The following NUMB variants were observed in gnomAD, a reference collection of about 807,000 sequenced individuals.
The protein encoded by NUMB is NUMB endocytic adaptor protein, also known as protein numb homolog.
A neutral mutation model predicts 59.7 loss-of-function variants in NUMB; 29 were observed. The ratio of observed to expected loss-of-function variants is 0.49; its 90% CI spans 0.36 to 0.66. The LOEUF is 0.66. NUMB is among the 30% of genes least tolerant of loss of function. The pLI is 0.00. For missense variants in NUMB, 723 were observed against 822.0 expected (o/e 0.88, Z 1.47); for synonymous variants, 288 against 288.2 (o/e 1.00, Z 0.01).
intron 4 of NUMB, among the ~76,000 whole-genome samples, chr14:73,336,129 T>G (rs568556695): frequency 6.6e-6 from 1 of 152,326 alleles, no homozygotes; most frequent in East Asian, 1.9e-4. Flanking sequence ...CTTAGTAAAT[T>G]AACAGAGCCA....
intron 1 of NUMB, among the ~76,000 whole-genome samples, chr14:73,437,752 G>A (rs923145960): frequency 2.0e-5 from 3 of 152,146 alleles, no homozygotes; most frequent in Non-Finnish European, 4.4e-5. Context: ...GGGAGAGGGA[G>A]GGCAAAAGAA....
At chr14:73,380,724 GTT>G (rs759209884) in intron 2 of NUMB, among the ~76,000 whole-genome samples, 3 of 131,164 alleles carry the variant, frequency 2.3e-5, no homozygotes, top group Non-Finnish European at 3.2e-5. Flanking sequence ...TCATCAATTA[GTT>G]TTTTTTTTTT....
At chr14:73,388,177 C>T (rs1895654575) in intron 2 of NUMB, among the ~76,000 whole-genome samples, 1 of 152,100 alleles carries the variant, frequency 6.6e-6, no homozygotes, top group Non-Finnish European at 1.5e-5. Flanking sequence ...TTAATGGCTA[C>T]CATATTGGAT....
chr14:73,354,388 G>A (rs1414332608), intron 4 of NUMB, among the ~76,000 whole-genome samples: 3 of 151,572 alleles, frequency 2.0e-5, no homozygotes, highest in Admixed American at 6.6e-5. Context: ...GTGCATGCCT[G>A]TAGTCCCAGA....
intron 1 of NUMB, among the ~76,000 whole-genome samples, chr14:73,441,420 C>T (rs562254286): frequency 7.2e-5 from 11 of 152,160 alleles, no homozygotes; most frequent in Admixed American, 2.0e-4. Flanking sequence ...TGGTAGTGCA[C>T]GCCTCAGCTG....
At chr14:73,348,250 A>C (rs947507576) in intron 4 of NUMB, among the ~76,000 whole-genome samples, 1 of 152,228 alleles carries the variant, frequency 6.6e-6, no homozygotes, top group Non-Finnish European at 1.5e-5. Flanking sequence ...TCAGTTGTAT[A>C]TAAGTGTATG....
chr14:73,440,412 T>G (rs1015121995), intron 1 of NUMB, among the ~76,000 whole-genome samples: 4 of 151,754 alleles, frequency 2.6e-5, no homozygotes, highest in African/African-American at 9.7e-5. Flanking sequence ...TCTATAAAAC[T>G]CTTAGAAGAC....
rs150841511 is a variant in NUMB at position 73,411,487 on chromosome 14, T to C, written c.-232-1419A>G. ...TTCCAGGAGACAAAAAAAGAAAAAA[T>C]CATTTTAATAACGACATGGTACAAG... On this transcript the variant is annotated intron_variant, in intron 1 of 12. Transcript: ENST00000555238. Among the ~76,000 whole-genome samples, 37 of 152,116 alleles carry C rather than the reference T, an allele frequency of 2.4e-4. No homozygotes were observed. The East Asian group carries it at 6.6e-3, about 27-fold the overall frequency.
intron 4 of NUMB, among the ~76,000 whole-genome samples, chr14:73,339,156 T>C (rs1234226484): frequency 6.6e-6 from 1 of 152,232 alleles, no homozygotes; most frequent in African/African-American, 2.4e-5. Flanking sequence ...TTGTTATTTC[T>C]TCTTTATATA....
chr14:73,277,936 T>G (rs956908727), intron 12 of NUMB, among the ~76,000 whole-genome samples: 3 of 149,384 alleles, frequency 2.0e-5, no homozygotes, highest in Non-Finnish European at 3.0e-5. Context: ...TATGCATCTG[T>G]AGTCCCAGCT....
At chr14:73,433,965 C>G (rs1052724880) in intron 1 of NUMB, among the ~76,000 whole-genome samples, 2 of 151,984 alleles carry the variant, frequency 1.3e-5, no homozygotes, top group Non-Finnish European at 2.9e-5. Flanking sequence ...TGGTGGTGCA[C>G]GCCTGTAATC....
intron 2 of NUMB, among the ~76,000 whole-genome samples, chr14:73,384,761 A>T (rs1477507155): frequency 8.4e-6 from 1 of 119,564 alleles, no homozygotes; most frequent in Non-Finnish European, 1.8e-5. Context: ...TTTGTTTGTT[A>T]GAGATGAGGT....
chr14:73,422,017 G>A (rs575079574), intron 1 of NUMB, among the ~76,000 whole-genome samples: 212 of 152,050 alleles, frequency 1.4e-3, no homozygotes, highest in African/African-American at 4.7e-3. Flanking sequence ...ATGGGTGACC[G>A]TAGTCAATCC....
At chr14:73,347,017 AG>A (rs1490935880) in intron 4 of NUMB, among the ~76,000 whole-genome samples, 2 of 152,168 alleles carry the variant, frequency 1.3e-5, no homozygotes, top group Non-Finnish European at 2.9e-5. Context: ...TTTATTTTTT[AG>A]AGACAGGGTC....
At chr14:73,352,678 G>A (rs1328821616) in intron 4 of NUMB, among the ~76,000 whole-genome samples, 1 of 146,474 alleles carries the variant, frequency 6.8e-6, no homozygotes, top group Admixed American at 6.8e-5. Flanking sequence ...GGGATTACAG[G>A]CGCCCGCCAC....
rs188243759 is a variant in NUMB at position 73,351,790 on chromosome 14, C to T, written c.126+3836G>A. Among the ~76,000 whole-genome samples the T allele has an allele frequency of 3.5e-3, 539 of 152,008 alleles. 2 individuals carry two copies. Among genetic ancestry groups the T allele is most frequent in the Non-Finnish European group, 6.0e-3 (411 of 67,976 alleles). On this transcript the variant is annotated intron_variant, in intron 4 of 12. Coordinates refer to ENST00000555238, the MANE Select transcript of NUMB (RefSeq NM_001005743.2). ...AGGAGATCGAGACCATCCTGGCTAA[C>T]ATGGTGAAACCCCGTCTCTACTAAA...
intron 1 of NUMB, among the ~76,000 whole-genome samples, chr14:73,450,505 G>A (rs1467135662): frequency 6.6e-6 from 1 of 152,320 alleles, no homozygotes; most frequent in Admixed American, 6.5e-5. Flanking sequence ...AAAGAATACT[G>A]GGAGCTAGGC....
chr14:73,399,285 C>T (rs985191629), intron 2 of NUMB, among the ~76,000 whole-genome samples: 1 of 152,182 alleles, frequency 6.6e-6, no homozygotes. Flanking sequence ...ATGCCAGAGC[C>T]GGGCACAGCG....
intron 1 of NUMB, among the ~76,000 whole-genome samples, chr14:73,423,874 G>A (rs1897463398): frequency 6.6e-6 from 1 of 150,614 alleles, no homozygotes; most frequent in Non-Finnish European, 1.5e-5. Flanking sequence ...GGTGAGGCAG[G>A]AGAATCGCTT....
Sources: allele counts gnomAD v4.1 joint callset (sites outside exome capture counted in the v4.1 genomes callset), GRCh38; gene constraint gnomAD v4.1.1; transcripts MANE v1.5; gene names NCBI Gene and HGNC (gene_info 2026-07-23, HGNC 2026-07-21).